Variants in ZNF618 observed in about 807,000 individuals in gnomAD.
ZNF618 encodes the protein neural precursor cell expressed, developmentally down-regulated 10.
ZNF618 carries 34 observed loss-of-function variants against 103.0 expected under a neutral mutation model. That is an observed-to-expected ratio of 0.33 (90% confidence interval 0.25 to 0.44). ZNF618 has a LOEUF of 0.44. Ranked by LOEUF, ZNF618 falls within the 20% of genes least tolerant of loss-of-function variation. ZNF618 has a pLI of 1.00. For synonymous variants in ZNF618, 551 were observed against 542.2 expected, an observed-to-expected ratio of 1.02 and a Z score of -0.23; for missense variants, 1,059 against 1,295.4, an observed-to-expected ratio of 0.82 and a Z score of 2.80.
chr9:113,958,733 C>T (rs537641411), intron 1 of ZNF618, among the ~76,000 whole-genome samples: 8 of 152,282 alleles, frequency 5.3e-5, no homozygotes, highest in Admixed American at 5.2e-4. Context: ...AGCCTGGGGG[C>T]ATTTTGCTTG....
intron 1 of ZNF618, among the ~76,000 whole-genome samples, chr9:113,894,117 T>A (rs1266892107): frequency 6.6e-6 from 1 of 152,240 alleles, no homozygotes; most frequent in African/African-American, 2.4e-5. Context: ...TTTCAGTAAA[T>A]TATTTTTAAA....
intron 1 of ZNF618, among the ~76,000 whole-genome samples, chr9:113,968,778 C>T (rs1355817398): frequency 1.3e-5 from 2 of 152,144 alleles, no homozygotes; most frequent in African/African-American, 4.8e-5. Flanking sequence ...TATTGGAAAT[C>T]CCAGCTGAAA....
intron 1 of ZNF618, among the ~76,000 whole-genome samples, chr9:113,907,984 A>G (rs1008413707): frequency 5.9e-5 from 9 of 152,110 alleles, no homozygotes; most frequent in Non-Finnish European, 1.3e-4. Flanking sequence ...TTTTCCATCT[A>G]GTGCTTTGTG....
chr9:113,889,516 A>G (rs1275222108), intron 1 of ZNF618, among the ~76,000 whole-genome samples: 2 of 152,134 alleles, frequency 1.3e-5, no homozygotes, highest in Non-Finnish European at 2.9e-5. Context: ...ATGCAGCATC[A>G]CTTCACCACA....
At chr9:113,979,802 C>T (rs889341172) in intron 2 of ZNF618, among the ~76,000 whole-genome samples, 2 of 152,200 alleles carry the variant, frequency 1.3e-5, no homozygotes, top group African/African-American at 2.4e-5. Context: ...GTTGAGGAAA[C>T]AGACAGTAAA....
At chr9:113,994,478 G>T (rs1208651849) in intron 3 of ZNF618, among the ~76,000 whole-genome samples, 3 of 152,356 alleles carry the variant, frequency 2.0e-5, no homozygotes, top group East Asian at 3.9e-4. Flanking sequence ...GGTCTGAAGG[G>T]TTAGAGGGTC....
chr9:113,954,199 G>A (rs983040963), intron 1 of ZNF618, among the ~76,000 whole-genome samples: 4 of 152,140 alleles, frequency 2.6e-5, no homozygotes, highest in African/African-American at 9.7e-5. Flanking sequence ...TAGGGCTCTA[G>A]GAGTGGGTTT....
intron 11 of ZNF618, among the ~76,000 whole-genome samples, chr9:114,030,561 GC>G (rs1381551774): frequency 2.6e-5 from 4 of 152,204 alleles, no homozygotes; most frequent in African/African-American, 4.8e-5. Context: ...TATGGGACAG[GC>G]CTCAGGCTGC....
rs371761729 is a variant in ZNF618 at position 114,049,628 on chromosome 9, A to G, written c.2326A>G (p.Asn776Asp). Residue 776 changes from asparagine to aspartate, a missense_variant, in exon 15 of 15, where the codon AAC becomes GAC. Physicochemically the swap from Asn to Asp is conservative, Grantham distance 23. This residue lies in a region of ZNF618 where 272 missense variants were observed against 380.1 expected (regional missense o/e 0.72). Coordinates refer to ENST00000374126, the MANE Select transcript of ZNF618 (RefSeq NM_001318042.2). The part of the protein sequence containing the change: ...RLEKLFTAKA[N>D]DAGTVSKLCH... ...GGAGAAGCTGTTCACGGCCAAGGCC[A>G]ACGACGCAGGCACTGTCAGCAAGCT... The G allele has an allele frequency of 3.1e-6, 5 of 1,613,724 alleles. No homozygotes were observed. Among genetic ancestry groups the G allele is most frequent in the Non-Finnish European group, 4.2e-6 (5 of 1,179,910 alleles).
chr9:114,045,191 G>A (rs1423928427), intron 13 of ZNF618, among the ~76,000 whole-genome samples: 1 of 152,014 alleles, frequency 6.6e-6, no homozygotes, highest in East Asian at 1.9e-4. Context: ...TTCAAAGTAT[G>A]AAAGTTTTTA....
At chr9:113,968,051 C>T (rs560233815) in intron 1 of ZNF618, among the ~76,000 whole-genome samples, 1 of 152,214 alleles carries the variant, frequency 6.6e-6, no homozygotes, top group African/African-American at 2.4e-5. Context: ...TTCAGGTCCT[C>T]AGTCCTTCAT....
chr9:113,999,651 A>T (rs1373295171), intron 4 of ZNF618, among the ~76,000 whole-genome samples: 2 of 152,198 alleles, frequency 1.3e-5, no homozygotes, highest in Non-Finnish European at 2.9e-5. Context: ...CTTGGCTGTA[A>T]ACAGTATCTA....
At chr9:113,972,989 A>T (rs1311721119) in intron 2 of ZNF618, among the ~76,000 whole-genome samples, 1 of 152,096 alleles carries the variant, frequency 6.6e-6, no homozygotes, top group African/African-American at 2.4e-5. Context: ...GAATCACTTG[A>T]ACCCAGGAGG....
chr9:114,038,892 T>C (rs1313625541), intron 13 of ZNF618, among the ~76,000 whole-genome samples: 1 of 152,198 alleles, frequency 6.6e-6, no homozygotes, highest in Non-Finnish European at 1.5e-5. Flanking sequence ...CCAATAGCAT[T>C]TGAGCTTTTA....
chr9:114,015,770 A>G (rs966697290), intron 9 of ZNF618, among the ~76,000 whole-genome samples: 2 of 152,242 alleles, frequency 1.3e-5, no homozygotes, highest in African/African-American at 4.8e-5. Context: ...GGACTGGCTC[A>G]GCAAATTCCA....
chr9:113,957,496 T>C (rs1326126109), intron 1 of ZNF618, among the ~76,000 whole-genome samples: 1 of 152,208 alleles, frequency 6.6e-6, no homozygotes, highest in Non-Finnish European at 1.5e-5. Flanking sequence ...GGCCAGAGAC[T>C]GCCTCTCGAG....
At chr9:113,938,250 G>A (rs1232588675) in intron 1 of ZNF618, among the ~76,000 whole-genome samples, 1 of 137,976 alleles carries the variant, frequency 7.2e-6, no homozygotes, top group East Asian at 2.2e-4. Context: ...GCTCACTGCA[G>A]CCTCAATCAA....
intron 1 of ZNF618, among the ~76,000 whole-genome samples, chr9:113,956,310 C>T (rs763156196): frequency 1.1e-4 from 16 of 148,304 alleles, no homozygotes; most frequent in Non-Finnish European, 1.9e-4. Context: ...TCACTGCAGA[C>T]ATTAGTAATC....
intron 1 of ZNF618, among the ~76,000 whole-genome samples, chr9:113,956,565 A>G (rs948313745): frequency 5.2e-4 from 79 of 152,200 alleles, no homozygotes; most frequent in Non-Finnish European, 2.5e-4. Context: ...AGGCCTAGGT[A>G]CTATGGAGCC....
Sources: allele counts gnomAD v4.1 joint callset (sites outside exome capture counted in the v4.1 genomes callset), GRCh38; gene constraint gnomAD v4.1.1; regional missense constraint gnomAD v4.1.1; transcripts MANE v1.5; gene names NCBI Gene and HGNC (gene_info 2026-07-23, HGNC 2026-07-21).